The following LRRC4C variants were observed in gnomAD, a reference collection of about 807,000 sequenced individuals.
LRRC4C encodes leucine rich repeat containing 4C.
A neutral mutation model predicts 33.6 loss-of-function variants in LRRC4C; 5 were observed. The observed-to-expected ratio is 0.15, with a 90% CI of 0.08 to 0.31. The LOEUF (loss-of-function observed/expected upper bound fraction) is 0.31, where lower values mean the gene tolerates loss of function less well. LRRC4C is among the 10% of genes least tolerant of loss of function. The pLI is 1.00. For synonymous variants in LRRC4C, 329 were observed against 302.0 expected (o/e 1.09, Z -0.93); for missense variants, 560 against 796.7 (o/e 0.70, Z 3.58).
intron 2 of LRRC4C, among the ~76,000 whole-genome samples, chr11:40,758,038 G>A (rs1949031789): frequency 6.6e-6 from 1 of 152,054 alleles, no homozygotes; most frequent in South Asian, 2.1e-4. Context: ...TTGCTTCAAT[G>A]CAGTGACGTT....
rs1055269191 is a variant in LRRC4C, at chr11:40,715,625, A to T, written c.-406-67347T>A. The stretch of plus-strand genomic sequence containing the variant: ...CATAAGTGAAATTTGTAGTAGCAAG[A>T]ACTGGACATGCCACATATCCTTCAG... On this transcript the variant is annotated intron_variant, in intron 2 of 6. Coordinates refer to ENST00000528697, the MANE Select transcript of LRRC4C (RefSeq NM_001258419.2). Among the ~76,000 whole-genome samples the T allele has an allele frequency of 4.6e-5, 7 of 152,246 alleles. 1 individual carries two copies. Among genetic ancestry groups the T allele is most frequent in the Admixed American group, 4.6e-4 (7 of 15,286 alleles).
At chr11:41,312,280 T>C (rs908897966) in intron 1 of LRRC4C, among the ~76,000 whole-genome samples, 6 of 152,198 alleles carry the variant, frequency 3.9e-5, no homozygotes, top group African/African-American at 1.4e-4. Context: ...AATGCTGCCA[T>C]TTACTCTGCT....
At chr11:40,137,170 G>A (rs1244654218) in intron 6 of LRRC4C, among the ~76,000 whole-genome samples, 1 of 94,942 alleles carries the variant, frequency 1.1e-5, no homozygotes, top group Non-Finnish European at 2.0e-5. Context: ...GCACGTGTGT[G>A]TGTGTGTGTG....
intron 1 of LRRC4C, among the ~76,000 whole-genome samples, chr11:41,104,026 A>G (rs1366404374): frequency 6.6e-6 from 1 of 151,938 alleles, no homozygotes; most frequent in Non-Finnish European, 1.5e-5. Context: ...ATATAGGATC[A>G]AATCTTTGTT....
intron 3 of LRRC4C, among the ~76,000 whole-genome samples, chr11:40,442,207 C>T (rs1951431383): frequency 1.4e-5 from 2 of 144,960 alleles, no homozygotes; most frequent in African/African-American, 2.6e-5. Flanking sequence ...GCCTAGTATT[C>T]CTTCATTGTA....
intron 2 of LRRC4C, among the ~76,000 whole-genome samples, chr11:40,694,509 G>A (rs1443112172): frequency 6.6e-6 from 1 of 152,090 alleles, no homozygotes; most frequent in Non-Finnish European, 1.5e-5. Context: ...GGAGGTAATA[G>A]CAGCTAAATG....
At chr11:40,819,773 A>G (rs1295634728) in intron 2 of LRRC4C, among the ~76,000 whole-genome samples, 1 of 152,038 alleles carries the variant, frequency 6.6e-6, no homozygotes, top group Admixed American at 6.6e-5. Context: ...TCTGCAGAAA[A>G]CTGAAGGGTT....
chr11:40,278,746 T>C (rs1440371162), intron 4 of LRRC4C, among the ~76,000 whole-genome samples: 4 of 152,144 alleles, frequency 2.6e-5, no homozygotes, highest in Non-Finnish European at 5.9e-5. Flanking sequence ...TTATGAAACA[T>C]AGCAACTTGT....
intron 3 of LRRC4C, among the ~76,000 whole-genome samples, chr11:40,472,247 T>A (rs916859548): frequency 6.6e-6 from 1 of 151,714 alleles, no homozygotes; most frequent in Non-Finnish European, 1.5e-5. Context: ...CCCACTGCAC[T>A]CCAGCCTGGG....
intron 3 of LRRC4C, among the ~76,000 whole-genome samples, chr11:40,431,700 G>A (rs77062364): frequency 5.8e-4 from 88 of 152,112 alleles, no homozygotes; most frequent in Non-Finnish European, 1.2e-3. Context: ...TACTTCATAC[G>A]CATCATGCTT....
intron 1 of LRRC4C, among the ~76,000 whole-genome samples, chr11:40,941,592 G>T (rs755470262): frequency 1.2e-4 from 19 of 152,108 alleles, no homozygotes; most frequent in Non-Finnish European, 2.5e-4. Flanking sequence ...TGTAATCTTT[G>T]CATTAGTAAC....
chr11:40,285,226 TG>T (rs1339915322), intron 4 of LRRC4C, among the ~76,000 whole-genome samples: 1 of 152,152 alleles, frequency 6.6e-6, no homozygotes, highest in East Asian at 1.9e-4. Flanking sequence ...GCAGAGAGAC[TG>T]GGAGTAGAAG....
intron 1 of LRRC4C, among the ~76,000 whole-genome samples, chr11:41,129,721 T>C (rs546995349): frequency 1.2e-4 from 19 of 152,142 alleles, no homozygotes; most frequent in African/African-American, 4.3e-4. Flanking sequence ...GCTTCCCGTT[T>C]GTGACCACAG....
intron 2 of LRRC4C, among the ~76,000 whole-genome samples, chr11:40,789,574 A>G (rs545972482): frequency 8.0e-4 from 121 of 151,292 alleles, no homozygotes; most frequent in Non-Finnish European, 1.4e-3. Context: ...CTACTCTTCT[A>G]TACTTCAGAT....
Position 41,457,182 on chromosome 11 carries a change from A to G in LRRC4C, c.-496+2249T>C, listed in dbSNP as rs151332262. ...TTACCAACACCACACATCTAAATAT[A>G]CCAGTATTTGGTGAGAATATGAATG... On this transcript the variant is annotated intron_variant, in intron 1 of 6. Transcript: ENST00000528697. 5.8e-3 allele frequency among the ~76,000 whole-genome samples: 878 copies of G among 152,264 alleles called. 11 individuals are homozygous for G. Among genetic ancestry groups the G allele is most frequent in the African/African-American group, 0.02 (851 of 41,544 alleles).
intron 1 of LRRC4C, among the ~76,000 whole-genome samples, chr11:41,291,582 C>T (rs1472219488): frequency 2.0e-5 from 3 of 152,002 alleles, no homozygotes; most frequent in Admixed American, 2.0e-4. Flanking sequence ...AATTGATTTA[C>T]AGAAAGAAAG....
chr11:40,709,141 G>T (rs1946332480), intron 2 of LRRC4C, among the ~76,000 whole-genome samples: 1 of 152,050 alleles, frequency 6.6e-6, no homozygotes, highest in South Asian at 2.1e-4. Context: ...ACACTGATGG[G>T]TCTTGACTGT....
chr11:40,498,634 C>A (rs1424733005), intron 3 of LRRC4C, among the ~76,000 whole-genome samples: 3 of 152,148 alleles, frequency 2.0e-5, no homozygotes, highest in Non-Finnish European at 2.9e-5. Context: ...GTGATAATTG[C>A]TACTTAGCAA....
At chr11:40,390,385 A>C (rs937249764) in intron 3 of LRRC4C, among the ~76,000 whole-genome samples, 1 of 152,202 alleles carries the variant, frequency 6.6e-6, no homozygotes, top group African/African-American at 2.4e-5. Flanking sequence ...AATTATTCAG[A>C]ATATCTTAAA....
Sources: gnomAD v4.1 joint callset for allele counts (sites outside exome capture counted in the v4.1 genomes callset) on GRCh38, gnomAD v4.1.1 for gene constraint, MANE v1.5 for transcripts, NCBI Gene and HGNC (gene_info 2026-07-23, HGNC 2026-07-21) for gene names.